Variants in ROCK1 observed in about 807,000 individuals in gnomAD.
ROCK1 encodes the protein Rho associated coiled-coil containing protein kinase 1, also known as rho-associated protein kinase 1.
Under a neutral mutation model 196.8 loss-of-function variants are expected in ROCK1, and 36 were observed. The ratio of observed to expected loss-of-function variants is 0.18; its 90% CI spans 0.14 to 0.24. The LOEUF (loss-of-function observed/expected upper bound fraction) is 0.24. Ranked by LOEUF, ROCK1 falls within the 10% of genes least tolerant of loss-of-function variation. The pLI is 1.00. For synonymous variants in ROCK1, 443 were observed against 515.9 expected (o/e 0.86, Z 1.91); for missense variants, 920 against 1,562.0 (o/e 0.59, Z 6.93).
At chr18:21,074,401 C>T (rs1310125654) in intron 1 of ROCK1, among the ~76,000 whole-genome samples, 1 of 152,060 alleles carries the variant, frequency 6.6e-6, no homozygotes, top group Non-Finnish European at 1.5e-5. Flanking sequence ...CAAACAATGG[C>T]TCTTCCCAAT....
At position 20,969,648 on chromosome 18, in the gene ROCK1, T is replaced by C. The variant is rs190436883; in HGVS notation, c.2821-440A>G. Among the ~76,000 whole-genome samples the C allele has an allele frequency of 5.9e-5, 9 of 152,312 alleles. No individual in the cohort carries two copies. The East Asian group carries it at 1.7e-3, about 29-fold the overall frequency. ...TAATATATAATCATTACTTGTTATA[T>C]GTTATATTAATCATTCTATGTCTAC... On this transcript the variant is annotated intron_variant, in intron 23 of 32. Transcript: ENST00000399799.
At chr18:21,053,942 T>C (rs1400490163) in intron 2 of ROCK1, among the ~76,000 whole-genome samples, 2 of 152,226 alleles carry the variant, frequency 1.3e-5, no homozygotes, top group Admixed American at 6.5e-5. Context: ...GTGATACATA[T>C]AGCACTCAAA....
At chr18:20,985,436 T>C (rs762912447) in intron 19 of ROCK1, among the ~76,000 whole-genome samples, 1 of 152,184 alleles carries the variant, frequency 6.6e-6, no homozygotes, top group Non-Finnish European at 1.5e-5. Context: ...TTATCCTCCT[T>C]CATTTATTCA....
At chr18:21,002,369 C>T (rs1365189138) in intron 16 of ROCK1, among the ~76,000 whole-genome samples, 2 of 152,250 alleles carry the variant, frequency 1.3e-5, no homozygotes, top group East Asian at 3.9e-4. Flanking sequence ...ATGTGAGCAT[C>T]ATTAAGAATA....
chr18:20,952,957 G>A (rs28667053), intron 32 of ROCK1, among the ~76,000 whole-genome samples: 271 of 152,144 alleles, frequency 1.8e-3, no homozygotes, highest in African/African-American at 5.9e-3. Flanking sequence ...GGAACGTCAC[G>A]CACCAGGGCC....
chr18:21,064,695 T>C (rs959409558), intron 2 of ROCK1, among the ~76,000 whole-genome samples: 2 of 152,234 alleles, frequency 1.3e-5, no homozygotes, highest in Non-Finnish European at 2.9e-5. Context: ...ACATTTTTAA[T>C]AGATTTATAC....
Position 21,035,268 on chromosome 18 carries a change from C to T in ROCK1, c.1051+4204G>A, listed in dbSNP as rs189858325. On this transcript the variant is annotated intron_variant, in intron 9 of 32. Transcript: ENST00000399799. ...CAAAAAAATTAAACATATGGCTGAGCGTGGTGGCTCACGTCTGCAATCCCA... is the reference window on the plus strand; with the variant it reads ...CAAAAAAATTAAACATATGGCTGAGTGTGGTGGCTCACGTCTGCAATCCCA... Among the ~76,000 whole-genome samples, 20 of 152,296 alleles carry T rather than the reference C, an allele frequency of 1.3e-4. No individual in the cohort carries two copies. The East Asian group carries it at 3.1e-3, about 24-fold the overall frequency.
intron 2 of ROCK1, among the ~76,000 whole-genome samples, chr18:21,068,439 T>C (rs2036355779): frequency 6.6e-6 from 1 of 152,222 alleles, no homozygotes; most frequent in Admixed American, 6.5e-5. Context: ...TTTTCGAAAC[T>C]GTTTTGGCTG....
rs79792328 is a variant in ROCK1, at chr18:21,095,538, C to T, written c.93+15280G>A. On this transcript the variant is annotated intron_variant, in intron 1 of 32. Transcript: ENST00000399799. Reference sequence around the variant, plus strand: ...ATTCAACCATAAAAAAGAATAAAATCCTATCATTTGCACAACATAGATAGA... The same window carrying T: ...ATTCAACCATAAAAAAGAATAAAATTCTATCATTTGCACAACATAGATAGA... Among the ~76,000 whole-genome samples, 1,094 of 152,054 alleles carry T rather than the reference C, an allele frequency of 7.2e-3. 2 individuals carry two copies. The highest frequency in any genetic ancestry group is 0.011 in the Non-Finnish European group (760 of 67,980).
At chr18:21,083,785 C>CA (rs1418292788) in intron 1 of ROCK1, among the ~76,000 whole-genome samples, 34 of 152,202 alleles carry the variant, frequency 2.2e-4, no homozygotes, top group Admixed American at 1.8e-3. Flanking sequence ...ACTGGTTTTG[C>CA]TATCAGTAAG....
chr18:20,999,158 T>C (rs776381963), intron 16 of ROCK1, among the ~76,000 whole-genome samples: 1 of 152,094 alleles, frequency 6.6e-6, no homozygotes, highest in Non-Finnish European at 1.5e-5. Flanking sequence ...AAAAAGTTCA[T>C]TCATCATGAC....
At chr18:20,987,154 A>T in intron 18 of ROCK1, 44 bp from the exon 19 acceptor site, 2 of 1,559,678 alleles carry the variant, frequency 1.3e-6, no homozygotes, top group Non-Finnish European at 1.7e-6. Flanking sequence ...AAGAAAGAGT[A>T]CTTTAACACA....
chr18:21,007,739 T>C (rs1015584107), intron 14 of ROCK1, among the ~76,000 whole-genome samples: 1 of 152,156 alleles, frequency 6.6e-6, no homozygotes, highest in Non-Finnish European at 1.5e-5. Flanking sequence ...TCAGGCCACA[T>C]ATCTAGACCA....
chr18:21,071,930 A>C (rs1242493213), intron 1 of ROCK1, among the ~76,000 whole-genome samples: 1 of 152,208 alleles, frequency 6.6e-6, no homozygotes, highest in Admixed American at 6.5e-5. Context: ...TTAACATGTG[A>C]AGTGTCTGGA....
At chr18:20,961,785 G>A (rs1467911170) in intron 27 of ROCK1, among the ~76,000 whole-genome samples, 2 of 147,206 alleles carry the variant, frequency 1.4e-5, no homozygotes, top group African/African-American at 2.5e-5. Flanking sequence ...AGTTCAAAAT[G>A]ATCCCTCTCT....
intron 2 of ROCK1, among the ~76,000 whole-genome samples, chr18:21,064,880 G>A (rs1208757607): frequency 2.0e-5 from 3 of 152,104 alleles, no homozygotes; most frequent in Non-Finnish European, 4.4e-5. Context: ...GTCTAACTGC[G>A]CCCACTATTT....
Position 21,059,083 on chromosome 18 carries a change from C to CA in ROCK1, c.176-9204dup, listed in dbSNP as rs532055522. On this transcript the variant is annotated intron_variant, in intron 2 of 32. Transcript: ENST00000399799. ...CCTAAATTCAAACTCCTCAACATGG[C>CA]AAAAAAATATATATATATCATTAGT... is the stretch of plus-strand genomic sequence containing the variant. 4.6e-5 allele frequency among the ~76,000 whole-genome samples: 7 copies of CA among 151,858 alleles called. No homozygotes were observed. The South Asian group carries it at 6.3e-4, about 14-fold the overall frequency.
intron 1 of ROCK1, among the ~76,000 whole-genome samples, chr18:21,082,063 C>A (rs1462625366): frequency 6.6e-6 from 1 of 152,130 alleles, no homozygotes. Flanking sequence ...AGCTATCCTC[C>A]AGCCTCAGCC....
At chr18:21,090,608 C>T (rs2036561357) in intron 1 of ROCK1, among the ~76,000 whole-genome samples, 2 of 152,150 alleles carry the variant, frequency 1.3e-5, no homozygotes, top group Admixed American at 6.5e-5. Flanking sequence ...TGTTATCCCC[C>T]GGATAGGTAC....
Sources: allele counts gnomAD v4.1 joint callset (sites outside exome capture counted in the v4.1 genomes callset), GRCh38; gene constraint gnomAD v4.1.1; transcripts MANE v1.5; gene names NCBI Gene and HGNC (gene_info 2026-07-23, HGNC 2026-07-21).